FGD6: variants seen among roughly 807,000 people sequenced by gnomAD.
FGD6 encodes FYVE, RhoGEF and PH domain containing 6.
FGD6 carries 90 observed loss-of-function variants against 149.4 expected under a neutral mutation model. The ratio of observed to expected loss-of-function variants is 0.60; its 90% CI spans 0.51 to 0.72. The LOEUF (loss-of-function observed/expected upper bound fraction) is 0.72. Among genes scored for constraint, FGD6 ranks in the 30% least tolerant of loss-of-function variants. The probability of loss-of-function intolerance (pLI) is 0.00; values close to 1 mark genes in which losing one functional copy is unlikely to be tolerated. For missense variants in FGD6, 1,437 were observed against 1,684.8 expected (o/e 0.85, Z 2.57); for synonymous variants, 527 against 584.0 (o/e 0.90, Z 1.41).
In FGD6 at chr12:95,137,503, A is replaced by G. The variant is rs542993694; in HGVS notation, c.2994+19T>C. On this transcript the variant is annotated intron_variant, in intron 7 of 20. Coordinates refer to ENST00000343958, the MANE Select transcript of FGD6 (RefSeq NM_018351.4). ...ACAAAAAGAAAGAGAAGTGTTCAAC[A>G]TTAGATAGTAGCAAATACCTCAAAT... 1.3e-6 allele frequency: 2 copies of G among 1,546,480 alleles called. No individual in the cohort carries two copies. Among genetic ancestry groups the G allele is most frequent in the Admixed American group, 2.0e-5 (1 of 50,302 alleles).
chr12:95,091,984 A>ATAG (rs1878070659), intron 16 of FGD6, among the ~76,000 whole-genome samples, 175 bp from the exon 17 acceptor site: 1 of 152,220 alleles, frequency 6.6e-6, no homozygotes, highest in Admixed American at 6.5e-5. Flanking sequence ...GAACTAATGC[A>ATAG]TAGTACCACA....
At chr12:95,120,132 G>A (rs1226891068) in intron 8 of FGD6, among the ~76,000 whole-genome samples, 1 of 151,464 alleles carries the variant, frequency 6.6e-6, no homozygotes. Context: ...AGGAGGCTGA[G>A]ACAGAAGAAC....
chr12:95,195,039 G>A (rs758170185), intron 2 of FGD6, among the ~76,000 whole-genome samples: 3 of 152,064 alleles, frequency 2.0e-5, no homozygotes, highest in Non-Finnish European at 4.4e-5. Flanking sequence ...GGACATAATC[G>A]GAGGTAATTT....
chr12:95,207,808 G>A (rs10777674), intron 2 of FGD6, among the ~76,000 whole-genome samples: 38,360 of 152,060 alleles, frequency 0.25, 5,119 homozygotes, highest in African/African-American at 0.34. Context: ...GCATAACTGG[G>A]TGGTCAGAAT....
chr12:95,116,640 G>A (rs1296170398), intron 8 of FGD6, among the ~76,000 whole-genome samples: 1 of 152,086 alleles, frequency 6.6e-6, no homozygotes, highest in Non-Finnish European at 1.5e-5. Context: ...CCGTTAACAC[G>A]TTGCAACATC....
chr12:95,123,052 CAA>C (rs35064717), intron 8 of FGD6, among the ~76,000 whole-genome samples: 1 of 138,358 alleles, frequency 7.2e-6, no homozygotes. Context: ...GAGACTCTGT[CAA>C]AAAAAAAAAA....
intron 2 of FGD6, among the ~76,000 whole-genome samples, chr12:95,196,573 T>C (rs1217711725): frequency 1.3e-5 from 2 of 152,072 alleles, no homozygotes; most frequent in African/African-American, 4.8e-5. Flanking sequence ...CTATGGCATT[T>C]ATTCACTTAA....
chr12:95,086,525 A>ATTTTTTTTT (rs144016507), intron 18 of FGD6, among the ~76,000 whole-genome samples: 1 of 125,102 alleles, frequency 8.0e-6, no homozygotes, highest in Non-Finnish European at 1.7e-5. Flanking sequence ...TTACTGATTG[A>ATTTTTTTTT]TTTTTTTTTT....
rs1220121431 is a variant in FGD6 at position 95,150,023 on chromosome 12, C to T, written c.2685+2788G>A. ...ACACACACACACACACACACACACA[C>T]ACACACACACTTTTTTTTTTTGAGA... On this transcript the variant is annotated intron_variant, in intron 5 of 20. Transcript: ENST00000343958. Among the ~76,000 whole-genome samples, 6 of 120,494 alleles carry T rather than the reference C, an allele frequency of 5.0e-5. No individual in the cohort carries two copies. In the South Asian group the frequency reaches 1.5e-3, roughly 30 times the overall value. The allele number at this position is 120,494 out of a possible 152,430, so 79.0% of individuals were successfully genotyped here.
At chr12:95,090,811 A>G (rs1367943404) in intron 17 of FGD6, among the ~76,000 whole-genome samples, 1 of 152,166 alleles carries the variant, frequency 6.6e-6, no homozygotes, top group African/African-American at 2.4e-5. Flanking sequence ...AAAAATTTAG[A>G]TCCTGGCCAG....
At chr12:95,106,080 G>A (rs556798002) in intron 13 of FGD6, among the ~76,000 whole-genome samples, 2 of 150,170 alleles carry the variant, frequency 1.3e-5, no homozygotes, top group South Asian at 2.1e-4. Context: ...AAGGATATAA[G>A]AAAGATGTTT....
intron 14 of FGD6, among the ~76,000 whole-genome samples, chr12:95,095,732 G>A (rs569646531): frequency 1.3e-5 from 2 of 151,972 alleles, no homozygotes; most frequent in East Asian, 1.9e-4. Context: ...AAGTAAAATC[G>A]GCCAGGCGTG....
At chr12:95,163,354 T>A (rs575739331) in intron 3 of FGD6, among the ~76,000 whole-genome samples, 39 of 151,560 alleles carry the variant, frequency 2.6e-4, no homozygotes, top group Non-Finnish European at 4.6e-4. Flanking sequence ...ACACTCCAAC[T>A]TTTTTTTTAT....
intron 13 of FGD6, 102 bp downstream of exon 13, chr12:95,106,852 C>T (rs1878640870): frequency 2.2e-6 from 2 of 911,888 alleles, no homozygotes; most frequent in East Asian, 2.6e-5. Flanking sequence ...CAAGATTGTA[C>T]CACTGCACTC....
At chr12:95,213,436 C>A (rs2056737669) in intron 1 of FGD6, among the ~76,000 whole-genome samples, 1 of 152,034 alleles carries the variant, frequency 6.6e-6, no homozygotes, top group South Asian at 2.1e-4. Context: ...AAAATAGTTT[C>A]GTAAAATGAA....
At chr12:95,142,342 A>C (rs1190839402) in intron 5 of FGD6, among the ~76,000 whole-genome samples, 1 of 151,878 alleles carries the variant, frequency 6.6e-6, no homozygotes, top group Non-Finnish European at 1.5e-5. Context: ...ACGGCGTTTC[A>C]CCATGTTGGC....
At chr12:95,090,085 C>A (rs923239631) in intron 17 of FGD6, among the ~76,000 whole-genome samples, 1 of 151,976 alleles carries the variant, frequency 6.6e-6, no homozygotes, top group Admixed American at 6.6e-5. Flanking sequence ...AGGGGGCTAT[C>A]GGACACGGAT....
At chr12:95,084,391 A>T in intron 20 of FGD6, 107 bp downstream of exon 20, 2 of 876,602 alleles carry the variant, frequency 2.3e-6, no homozygotes, top group Non-Finnish European at 3.3e-6. Flanking sequence ...AAAATCTCTG[A>T]TGTAAATTTT....
chr12:95,115,625 T>G (rs1287802340), intron 8 of FGD6, among the ~76,000 whole-genome samples: 1 of 152,132 alleles, frequency 6.6e-6, no homozygotes, highest in African/African-American at 2.4e-5. Flanking sequence ...CAGTGGGAAC[T>G]GAGGAAATGA....
Sources: allele counts gnomAD v4.1 joint callset (sites outside exome capture counted in the v4.1 genomes callset), GRCh38; gene constraint gnomAD v4.1.1; transcripts MANE v1.5; gene names NCBI Gene and HGNC (gene_info 2026-07-23, HGNC 2026-07-21).